Variants in CSMD1 observed in about 807,000 individuals in gnomAD.
CSMD1 encodes the protein CUB and sushi domain-containing protein 1.
CSMD1 carries 213 observed loss-of-function variants against 417.5 expected under a neutral mutation model. That is an observed-to-expected ratio of 0.51 (90% CI 0.46 to 0.57). The LOEUF (loss-of-function observed/expected upper bound fraction) is 0.57. CSMD1 is among the 20% of genes least tolerant of loss of function. The probability of loss-of-function intolerance (pLI) is 0.00; values close to 1 mark genes in which losing one functional copy is unlikely to be tolerated. For missense variants in CSMD1, 6,923 were observed against 4,529.7 expected (o/e 1.53, Z -15.17); for synonymous variants, 2,862 against 1,736.8 (o/e 1.65, Z -16.11).
intron 1 of CSMD1, among the ~76,000 whole-genome samples, chr8:4,712,072 G>C (rs770248000): frequency 6.6e-6 from 1 of 152,186 alleles, no homozygotes; most frequent in African/African-American, 2.4e-5. Context: ...CATGTTCACT[G>C]CCATGAAGAA....
chr8:4,092,633 A>T (rs1481705860), intron 3 of CSMD1, among the ~76,000 whole-genome samples: 1 of 152,236 alleles, frequency 6.6e-6, no homozygotes, highest in Non-Finnish European at 1.5e-5. Context: ...GACGTGAATT[A>T]AGAATGTATT....
intron 5 of CSMD1, among the ~76,000 whole-genome samples, chr8:3,851,391 T>C (rs1803895323): frequency 6.6e-6 from 1 of 152,222 alleles, no homozygotes; most frequent in Non-Finnish European, 1.5e-5. Context: ...GTTATCTCTT[T>C]TGGCATGGAC....
At chr8:4,285,448 G>C (rs899639120) in intron 3 of CSMD1, among the ~76,000 whole-genome samples, 3 of 152,140 alleles carry the variant, frequency 2.0e-5, no homozygotes, top group African/African-American at 7.2e-5. Flanking sequence ...AAGGGTATTA[G>C]TTCAGAATTA....
chr8:3,017,278 G>A (rs897489490), intron 52 of CSMD1, among the ~76,000 whole-genome samples: 2 of 152,162 alleles, frequency 1.3e-5, no homozygotes, highest in African/African-American at 4.8e-5. Context: ...TATCAAAGCT[G>A]CCTAAAGGAG....
chr8:3,439,045 T>G (rs1434602316), intron 12 of CSMD1, among the ~76,000 whole-genome samples: 3 of 132,698 alleles, frequency 2.3e-5, no homozygotes, highest in Admixed American at 9.0e-5. Flanking sequence ...ATTGCTTCAA[T>G]CTGGGAGGTG....
chr8:3,076,792 G>A (rs1178538601), intron 49 of CSMD1, among the ~76,000 whole-genome samples: 5 of 152,140 alleles, frequency 3.3e-5, no homozygotes, highest in African/African-American at 1.2e-4. Flanking sequence ...AAAATGCTGG[G>A]GATTCGAAGG....
chr8:4,086,811 T>G (rs925473056), intron 3 of CSMD1, among the ~76,000 whole-genome samples: 1 of 152,202 alleles, frequency 6.6e-6, no homozygotes, highest in South Asian at 2.1e-4. Flanking sequence ...TTTCTTAGTC[T>G]GAGATGAAAA....
intron 5 of CSMD1, among the ~76,000 whole-genome samples, chr8:3,772,940 G>A (rs73658253): frequency 0.014 from 2,078 of 152,154 alleles, 38 homozygotes; most frequent in African/African-American, 0.048. Flanking sequence ...CAGTTCTGGG[G>A]TCTGGAGGTT....
chr8:3,279,859 A>T (rs146874822), intron 26 of CSMD1, among the ~76,000 whole-genome samples: 151 of 152,258 alleles, frequency 9.9e-4, no homozygotes, highest in African/African-American at 3.4e-3. Context: ...CATGGGGGAA[A>T]CTGCCCTCAT....
chr8:3,321,846 T>G, intron 23 of CSMD1, among the ~76,000 whole-genome samples: 1 of 152,218 alleles, frequency 6.6e-6, no homozygotes, highest in East Asian at 1.9e-4. Context: ...TTTAACACTT[T>G]CTGATTTGTA....
intron 1 of CSMD1, among the ~76,000 whole-genome samples, chr8:4,805,082 T>C (rs576154979): frequency 2.4e-4 from 36 of 152,320 alleles, no homozygotes; most frequent in African/African-American, 7.2e-4. Flanking sequence ...AGTACCCAAG[T>C]ATCCAACTGA....
intron 10 of CSMD1, among the ~76,000 whole-genome samples, chr8:3,505,683 G>C (rs1003417089): frequency 9.2e-5 from 14 of 152,158 alleles, no homozygotes; most frequent in Admixed American, 2.6e-4. Flanking sequence ...CAAAACCGTA[G>C]AGGTACTGGA....
chr8:4,228,834 A>C (rs1216647068), intron 3 of CSMD1, among the ~76,000 whole-genome samples: 1 of 151,800 alleles, frequency 6.6e-6, no homozygotes, highest in Non-Finnish European at 1.5e-5. Context: ...CATGTGCACC[A>C]CTGTGCCCAG....
chr8:4,740,805 G>C (rs1028119251), intron 1 of CSMD1, among the ~76,000 whole-genome samples: 3 of 152,118 alleles, frequency 2.0e-5, no homozygotes, highest in African/African-American at 4.8e-5. Flanking sequence ...CACAGGTATA[G>C]GATATCCTAC....
At chr8:4,526,791 T>TAGAGTA in intron 2 of CSMD1, among the ~76,000 whole-genome samples, 1 of 152,346 alleles carries the variant, frequency 6.6e-6, no homozygotes, top group South Asian at 2.1e-4. Context: ...CTGAATTTTC[T>TAGAGTA]TTCAAGATAC....
chr8:3,666,422 T>C (rs1395177517), intron 7 of CSMD1, among the ~76,000 whole-genome samples: 2 of 152,242 alleles, frequency 1.3e-5, no homozygotes, highest in African/African-American at 2.4e-5. Context: ...TTTTAATGTA[T>C]ACTTGCTAAA....
At chr8:3,963,954 C>T (rs531935610) in intron 5 of CSMD1, among the ~76,000 whole-genome samples, 18 of 152,240 alleles carry the variant, frequency 1.2e-4, no homozygotes, top group Admixed American at 5.9e-4. Flanking sequence ...AGAAAAAGTT[C>T]GTTGGATTTA....
chr8:3,285,837 TTTATTA>T (rs1220265848), intron 25 of CSMD1, among the ~76,000 whole-genome samples: 2 of 151,000 alleles, frequency 1.3e-5, no homozygotes, highest in Non-Finnish European at 3.0e-5. Flanking sequence ...ATATATATAT[TTTATTA>T]TTATTATACT....
At chr8:4,929,201 G>A (rs189425949) in intron 1 of CSMD1, among the ~76,000 whole-genome samples, 35 of 152,238 alleles carry the variant, frequency 2.3e-4, no homozygotes, top group African/African-American at 7.9e-4. Context: ...AGAGCACGAG[G>A]GGACACAGTG....
Sources: allele counts gnomAD v4.1 joint callset (sites outside exome capture counted in the v4.1 genomes callset), GRCh38; gene constraint gnomAD v4.1.1; transcripts MANE v1.5; gene names NCBI Gene and HGNC (gene_info 2026-07-23, HGNC 2026-07-21).